SOX6: variants seen among roughly 807,000 people sequenced by gnomAD.
SOX6 encodes the protein transcription factor SOX-6.
SOX6 carries 11 observed loss-of-function variants against 97.8 expected under a neutral mutation model. The ratio of observed to expected loss-of-function variants is 0.11; its 90% CI spans 0.07 to 0.19. SOX6 has a LOEUF of 0.19. SOX6 is among the 10% of genes least tolerant of loss of function. The pLI is 1.00. For missense variants in SOX6, 810 were observed against 1,039.5 expected (o/e 0.78, Z 3.04); for synonymous variants, 360 against 371.4 (o/e 0.97, Z 0.35).
At position 16,605,331 on chromosome 11, in the gene SOX6, C is replaced by T. The variant is rs1441509360; in HGVS notation, n.609+6750G>A. 6.6e-6 allele frequency among the ~76,000 whole-genome samples: 1 copy of T among 152,182 alleles called. No individual in the cohort carries two copies. The highest frequency in any genetic ancestry group is 2.4e-5 in the African/African-American group (1 of 41,470). On this transcript the variant is annotated intron_variant and non_coding_transcript_variant, in intron 4 of 5. Transcript: ENST00000524520. This position sits in a 1 kb window ranked among gnomAD's most constrained non-coding sequence, Gnocchi z 5.3. ...GCGGGGCTGAACTACCCCTCGCCCC[C>T]GCTCCCGCCAGGTCAGGCACCACTG... is the stretch of plus-strand genomic sequence containing the variant.
intron 3 of SOX6, among the ~76,000 whole-genome samples, chr11:16,262,033 C>T (rs1033327263): frequency 6.6e-6 from 1 of 151,964 alleles, no homozygotes; most frequent in South Asian, 2.1e-4. Context: ...ACATAAAGCA[C>T]AAAGGCTCTT....
chr11:16,514,243 A>T (rs2133154085), intron 4 of SOX6, among the ~76,000 whole-genome samples: 1 of 152,172 alleles, frequency 6.6e-6, no homozygotes, highest in South Asian at 2.1e-4. Context: ...GGTGTTTAAA[A>T]AAATAATACC....
At position 16,109,662 on chromosome 11, in the gene SOX6, T is replaced by C. The variant is rs965636149; in HGVS notation, c.898+2141A>G. 5.3e-5 allele frequency among the ~76,000 whole-genome samples: 8 copies of C among 152,224 alleles called. No homozygotes were observed. In the South Asian group the frequency reaches 1.7e-3, roughly 31 times the overall value. On this transcript the variant is annotated intron_variant, in intron 7 of 15. Transcript: ENST00000683767. The stretch of plus-strand genomic sequence containing the variant: ...GATTAAGTCTTCTGAGGATGTAATT[T>C]CTCTACTAATAGCGTAAGAACATAT...
intron 9 of SOX6, among the ~76,000 whole-genome samples, chr11:16,090,635 G>A (rs549288941): frequency 1.3e-5 from 2 of 150,758 alleles, no homozygotes; most frequent in Admixed American, 1.3e-4. Flanking sequence ...AATATTTTCC[G>A]GAAAAAAAAA....
intron 2 of SOX6, among the ~76,000 whole-genome samples, chr11:16,331,047 G>A (rs1856275762): frequency 6.6e-6 from 1 of 152,164 alleles, no homozygotes; most frequent in Non-Finnish European, 1.5e-5. Context: ...ACATTTCTAT[G>A]CCTGGAGAGT....
chr11:16,674,321 C>A (rs1247601628), intron 3 of SOX6, among the ~76,000 whole-genome samples: 1 of 151,916 alleles, frequency 6.6e-6, no homozygotes, highest in Non-Finnish European at 1.5e-5. Flanking sequence ...TCAAGTAATG[C>A]CGAAAAAGCA....
chr11:16,675,624 T>A (rs951061864), intron 3 of SOX6, among the ~76,000 whole-genome samples: 1 of 152,226 alleles, frequency 6.6e-6, no homozygotes, highest in African/African-American at 2.4e-5. Context: ...CCCTTTGTCA[T>A]TTTTTGTAGG....
intron 4 of SOX6, among the ~76,000 whole-genome samples, chr11:16,563,671 A>C (rs1847839045): frequency 6.6e-6 from 1 of 152,222 alleles, no homozygotes; most frequent in African/African-American, 2.4e-5. Context: ...GGAGGACAGA[A>C]GAAAGACAGT....
At chr11:16,538,549 AC>A in intron 4 of SOX6, among the ~76,000 whole-genome samples, 1 of 152,276 alleles carries the variant, frequency 6.6e-6, no homozygotes, top group South Asian at 2.1e-4. Context: ...AAGAGTCAAG[AC>A]CCATCAGTGT....
chr11:16,582,095 T>C (rs1445519727), intron 4 of SOX6, among the ~76,000 whole-genome samples: 1 of 151,898 alleles, frequency 6.6e-6, no homozygotes, highest in Non-Finnish European at 1.5e-5. Flanking sequence ...CATTTATAAG[T>C]GGGAGCCAAA....
At chr11:15,994,467 GAAA>G (rs1854163298) in intron 13 of SOX6, among the ~76,000 whole-genome samples, 1 of 150,418 alleles carries the variant, frequency 6.6e-6, no homozygotes, top group African/African-American at 2.4e-5. Context: ...TATAAGAGAT[GAAA>G]TTAGAAAAGT....
chr11:16,626,571 C>T (rs1848626678), intron 3 of SOX6, among the ~76,000 whole-genome samples: 1 of 152,054 alleles, frequency 6.6e-6, no homozygotes, highest in Admixed American at 6.6e-5. Flanking sequence ...TCAACTTTTA[C>T]CCTCAAAAAA....
intron 7 of SOX6, among the ~76,000 whole-genome samples, chr11:16,101,045 C>T (rs1848933096): frequency 2.0e-5 from 3 of 151,564 alleles, no homozygotes; most frequent in Admixed American, 1.3e-4. Context: ...TATTGTGTGC[C>T]AGCATCATAA....
intron 3 of SOX6, among the ~76,000 whole-genome samples, chr11:16,654,579 T>G (rs1377882431): frequency 6.6e-6 from 1 of 152,144 alleles, no homozygotes; most frequent in Non-Finnish European, 1.5e-5. Flanking sequence ...CATGAGCCAC[T>G]GCACTCAGCC....
In SOX6 at chr11:16,567,561, C is replaced by CTTTTTTT. The variant is rs59320140; in HGVS notation, n.609+44513_609+44519dup. 6.6e-4 allele frequency among the ~76,000 whole-genome samples: 58 copies of CTTTTTTT among 87,360 alleles called. 3 individuals carry two copies. Among genetic ancestry groups the CTTTTTTT allele is most frequent in the Admixed American group, 1.3e-3 (8 of 6,340 alleles). The allele number at this position is 87,360 out of a possible 152,430, so 57.3% of individuals were successfully genotyped here. On this transcript the variant is annotated intron_variant and non_coding_transcript_variant, in intron 4 of 5. Coordinates refer to the SOX6 transcript ENST00000524520. ...TATTAATGGTATGTCATATTTTTTT[C>CTTTTTTT]TTTTTTTTTTTTTTTTTTTTTTTTT...
At chr11:16,234,511 A>G (rs1253537932) in intron 4 of SOX6, 71 bp downstream of exon 4, 2 of 887,372 alleles carry the variant, frequency 2.3e-6, no homozygotes, top group East Asian at 5.4e-5. Flanking sequence ...ACAGAAGATC[A>G]GCAAATACAT....
intron 4 of SOX6, among the ~76,000 whole-genome samples, chr11:16,582,536 C>T (rs1237740161): frequency 6.6e-6 from 1 of 151,622 alleles, no homozygotes; most frequent in Non-Finnish European, 1.5e-5. Context: ...TGAATAAATG[C>T]AAGCTAAATG....
intron 1 of SOX6, among the ~76,000 whole-genome samples, chr11:16,388,928 T>G (rs1310747579): frequency 6.6e-6 from 1 of 152,216 alleles, no homozygotes; most frequent in Non-Finnish European, 1.5e-5. Flanking sequence ...GGGAAATTGA[T>G]GGCATTATTT....
chr11:16,191,009 T>C (rs765438088), intron 4 of SOX6, among the ~76,000 whole-genome samples: 1 of 152,100 alleles, frequency 6.6e-6, no homozygotes, highest in Non-Finnish European at 1.5e-5. Context: ...AAATTAAACA[T>C]GAAACTTTAC....
Sources: allele counts gnomAD v4.1 joint callset (sites outside exome capture counted in the v4.1 genomes callset), GRCh38; gene constraint gnomAD v4.1.1; non-coding constraint Gnocchi (gnomAD v3.1); transcripts MANE v1.5; gene names NCBI Gene and HGNC (gene_info 2026-07-23, HGNC 2026-07-21).